DPY19L1: variants seen among roughly 807,000 people sequenced by gnomAD.
The protein encoded by DPY19L1 is dpy-19 like C-mannosyltransferase 1, also known as protein C-mannosyl-transferase DPY19L1.
In DPY19L1, 35 loss-of-function variants were observed where a neutral mutation model predicts 96.9. The ratio of observed to expected loss-of-function variants is 0.36; its 90% CI spans 0.28 to 0.48. The LOEUF (loss-of-function observed/expected upper bound fraction) is 0.48. Ranked by LOEUF, DPY19L1 falls within the 20% of genes least tolerant of loss-of-function variation. The pLI, the probability that DPY19L1 is intolerant of heterozygous loss-of-function variation, is 0.99. For synonymous variants in DPY19L1, 205 were observed against 252.6 expected, an observed-to-expected ratio of 0.81 and a Z score of 1.79; for missense variants, 521 against 777.9, an observed-to-expected ratio of 0.67 and a Z score of 3.93.
upstream of DPY19L1, chr7:35,037,577 T>A (rs1365805190): frequency 1.1e-5 from 3 of 281,958 alleles, no homozygotes; most frequent in African/African-American, 6.8e-5. Flanking sequence ...GGCTGCTGCC[T>A]GGCTGGCAGT....
chr7:34,939,461 G>A, intron 19 of DPY19L1, 86 bp from the exon 20 acceptor site: 1 of 1,166,126 alleles, frequency 8.6e-7, no homozygotes, highest in Non-Finnish European at 1.2e-6. Context: ...TATTTCACAG[G>A]TAACAGAGCG....
intron 7 of DPY19L1, among the ~76,000 whole-genome samples, chr7:34,978,594 G>C (rs1341854298): frequency 1.3e-5 from 2 of 152,066 alleles, no homozygotes; most frequent in African/African-American, 2.4e-5. Flanking sequence ...CCCTTAGTTT[G>C]GAGTAAGCTT....
intron 12 of DPY19L1, among the ~76,000 whole-genome samples, 186 bp downstream of exon 12, chr7:34,955,122 C>A (rs1784350642): frequency 6.7e-6 from 1 of 149,864 alleles, no homozygotes; most frequent in Admixed American, 6.7e-5. Flanking sequence ...AAACTACATA[C>A]CCAGGATTAA....
At chr7:35,020,745 G>A (rs547578281) in intron 1 of DPY19L1, among the ~76,000 whole-genome samples, 1 of 152,170 alleles carries the variant, frequency 6.6e-6, no homozygotes, top group African/African-American at 2.4e-5. Flanking sequence ...GTCTTGCTCT[G>A]TCACCCAGGC....
rs966952795 is a variant in DPY19L1, at chr7:35,027,552, G to A, written c.299-8956C>T. ...CTTTTAAAATTCAGTCATGAAGGCC[G>A]GGCTCCATGGCTCACGCCTGTAATC... On this transcript the variant is annotated intron_variant, in intron 1 of 21. Coordinates refer to ENST00000638088, the MANE Select transcript of DPY19L1 (RefSeq NM_001366673.1). 9.2e-5 allele frequency among the ~76,000 whole-genome samples: 14 copies of A among 151,838 alleles called. No homozygotes were observed. In the East Asian group the frequency reaches 2.1e-3, roughly 23 times the overall value.
chr7:34,950,215 C>G (rs1784242114), intron 13 of DPY19L1, among the ~76,000 whole-genome samples: 1 of 152,132 alleles, frequency 6.6e-6, no homozygotes, highest in Non-Finnish European at 1.5e-5. Flanking sequence ...CTGGAGCCTA[C>G]CAGCAGCTCT....
intron 1 of DPY19L1, among the ~76,000 whole-genome samples, chr7:35,028,448 A>G (rs1786180514): frequency 6.6e-6 from 1 of 152,270 alleles, no homozygotes; most frequent in African/African-American, 2.4e-5. Context: ...TTAAATATGT[A>G]TATATGTACA....
chr7:35,036,105 C>T (rs1325964782), intron 1 of DPY19L1, among the ~76,000 whole-genome samples: 1 of 152,080 alleles, frequency 6.6e-6, no homozygotes, highest in Admixed American at 6.5e-5. Flanking sequence ...TGGCTGTGAT[C>T]TCAGGGGAAG....
chr7:35,024,209 A>G (rs1430855846), intron 1 of DPY19L1, among the ~76,000 whole-genome samples: 1 of 151,854 alleles, frequency 6.6e-6, no homozygotes, highest in Non-Finnish European at 1.5e-5. Flanking sequence ...AATTCAACCT[A>G]CTCCTAAATT....
chr7:35,037,511 G>C, upstream of DPY19L1: 3 of 314,974 alleles, frequency 9.5e-6, no homozygotes, highest in Non-Finnish European at 1.7e-5. Context: ...GGAGGGTGGA[G>C]GGCGGGCTCG....
At position 34,940,196 on chromosome 7, in the gene DPY19L1, G is replaced by A. The variant is rs1783971886; in HGVS notation, c.1821C>T (p.Pro607=). The A allele has an allele frequency of 6.9e-6, 11 of 1,601,304 alleles. No individual in the cohort carries two copies. In the East Asian group the frequency reaches 1.6e-4, roughly 23 times the overall value. The part of the protein sequence containing the change: ...WNIVGEFSNL[P]QEELIEWIKY... ...TGATCCATTCTATAAGTTCTTCTTG[G>A]GGCAAATTGCTGAACTCCCCTACAA... Residue 607 remains proline (P), a synonymous_variant, in exon 19 of 22, where the codon CCC becomes CCT. Transcript: ENST00000638088.
chr7:35,003,224 C>T (rs1785470615), intron 6 of DPY19L1, among the ~76,000 whole-genome samples: 1 of 152,108 alleles, frequency 6.6e-6, no homozygotes, highest in Admixed American at 6.5e-5. Flanking sequence ...TGAGGTCTAC[C>T]AAAGAGGGAA....
chr7:34,989,375 G>T (rs1255575103), intron 7 of DPY19L1, among the ~76,000 whole-genome samples: 1 of 152,102 alleles, frequency 6.6e-6, no homozygotes, highest in Admixed American at 6.5e-5. Context: ...AACACTTTGG[G>T]AGACCAAGGC....
intron 21 of DPY19L1, among the ~76,000 whole-genome samples, chr7:34,933,131 G>A (rs1238381328): frequency 6.6e-6 from 1 of 151,574 alleles, no homozygotes; most frequent in East Asian, 1.9e-4. Flanking sequence ...TATCCTGCTG[G>A]ACCTTTTTAA....
chr7:35,011,605 C>T (rs1011941816), intron 4 of DPY19L1, among the ~76,000 whole-genome samples, 155 bp from the exon 5 acceptor site: 5 of 152,108 alleles, frequency 3.3e-5, no homozygotes, highest in Admixed American at 6.5e-5. Context: ...CTCAGAATCT[C>T]CTAGGCAGAT....
intron 6 of DPY19L1, among the ~76,000 whole-genome samples, chr7:35,008,029 C>A (rs920528740): frequency 6.6e-6 from 1 of 152,040 alleles, no homozygotes; most frequent in South Asian, 2.1e-4. Flanking sequence ...CAAAACTGAT[C>A]TGCTTATTAC....
intron 3 of DPY19L1, among the ~76,000 whole-genome samples, chr7:35,014,694 T>A (rs966411504): frequency 2.0e-5 from 3 of 152,182 alleles, no homozygotes; most frequent in African/African-American, 7.2e-5. Context: ...GTGTACTGAT[T>A]TGGATAGTGT....
chr7:35,026,265 CAG>C (rs1452589705), intron 1 of DPY19L1, among the ~76,000 whole-genome samples: 5 of 152,186 alleles, frequency 3.3e-5, no homozygotes, highest in Admixed American at 1.3e-4. Context: ...GCTGGAAATG[CAG>C]AGTCTCAGGT....
At chr7:34,938,148 T>C (rs1783912739) in intron 20 of DPY19L1, 29 bp from the exon 21 acceptor site, 1 of 1,603,786 alleles carries the variant, frequency 6.2e-7, no homozygotes, top group African/African-American at 1.3e-5. Context: ...GGGCATAAAA[T>C]TTTCAAGACT....
Sources: gnomAD v4.1 joint callset for allele counts (sites outside exome capture counted in the v4.1 genomes callset) on GRCh38, gnomAD v4.1.1 for gene constraint, MANE v1.5 for transcripts, NCBI Gene and HGNC (gene_info 2026-07-23, HGNC 2026-07-21) for gene names.